EPAS1: variants seen among roughly 807,000 people sequenced by gnomAD.
EPAS1 encodes endothelial PAS domain protein 1.
A neutral mutation model predicts 87.9 loss-of-function variants in EPAS1; 23 were observed. The observed-to-expected ratio is 0.26, with a 90% CI of 0.19 to 0.37. The LOEUF is 0.37. EPAS1 is among the 10% of genes least tolerant of loss of function. EPAS1 has a pLI of 1.00. For synonymous variants in EPAS1, 508 were observed against 444.3 expected (o/e 1.14, Z -1.80); for missense variants, 1,138 against 1,120.7 (o/e 1.02, Z -0.22).
intron 1 of EPAS1, among the ~76,000 whole-genome samples, chr2:46,337,763 T>A (rs193173227): frequency 6.6e-6 from 1 of 152,270 alleles, no homozygotes. Context: ...GGGAAATACC[T>A]TCAAGCCCAG....
At chr2:46,374,678 G>C (rs564719574) in intron 7 of EPAS1, among the ~76,000 whole-genome samples, 2 of 152,254 alleles carry the variant, frequency 1.3e-5, no homozygotes, top group East Asian at 3.9e-4. Flanking sequence ...GGGAGCTTCT[G>C]AGCTGGAGTT....
chr2:46,302,118 C>CTGTG (rs35880089), intron 1 of EPAS1, among the ~76,000 whole-genome samples: 117 of 127,634 alleles, frequency 9.2e-4, no homozygotes, highest in Non-Finnish European at 1.1e-3. Context: ...CTCTTTCTCT[C>CTGTG]TGTGTGTGTG....
chr2:46,337,490 C>T (rs1558592764), intron 1 of EPAS1, among the ~76,000 whole-genome samples: 1 of 152,178 alleles, frequency 6.6e-6, no homozygotes. Context: ...CCCACTTGCC[C>T]CACGGAGTTT....
intron 11 of EPAS1, 23 bp downstream of exon 11, chr2:46,378,790 C>T (rs1318872557): frequency 6.3e-7 from 1 of 1,588,254 alleles, no homozygotes; most frequent in African/African-American, 1.3e-5. Flanking sequence ...GGAGATCAGG[C>T]TAGGGTGTGT....
At chr2:46,299,448 T>G (rs1229430590) in intron 1 of EPAS1, among the ~76,000 whole-genome samples, 1 of 152,230 alleles carries the variant, frequency 6.6e-6, no homozygotes, top group Non-Finnish European at 1.5e-5. Flanking sequence ...TGGGGTTCCA[T>G]GTCTTTTGAA....
intron 13 of EPAS1, 113 bp downstream of exon 13, chr2:46,381,835 C>T: frequency 1.3e-6 from 2 of 1,565,470 alleles, no homozygotes; most frequent in African/African-American, 1.4e-5. Context: ...TTAGGGAACC[C>T]AGGGCTGCTG....
chr2:46,309,828 A>G (rs1683177010), intron 1 of EPAS1, among the ~76,000 whole-genome samples: 1 of 152,064 alleles, frequency 6.6e-6, no homozygotes, highest in Non-Finnish European at 1.5e-5. Flanking sequence ...GTTGTGATGG[A>G]ATCTTTGGGT....
intron 1 of EPAS1, among the ~76,000 whole-genome samples, chr2:46,298,762 C>G (rs1179647580): frequency 1.3e-5 from 2 of 152,230 alleles, no homozygotes; most frequent in Non-Finnish European, 2.9e-5. Flanking sequence ...TTGCTGCCCT[C>G]TCGCCCTCTC....
At position 46,369,855 on chromosome 2, in the gene EPAS1, G is replaced by A; in HGVS notation, c.808G>A (p.Glu270Lys). 6.2e-7 allele frequency: 1 copy of A among 1,613,266 alleles called. No homozygotes were observed. The highest frequency in any genetic ancestry group is 8.5e-7 in the Non-Finnish European group (1 of 1,179,694). ...RITELIGYHP[E>K]ELLGRSAYEF... ...CACAGAACTGATTGGTTACCACCCT[G>A]AGGAGCTGCTTGGCCGCTCAGCCTA... The change falls in exon 7 of 16, where the codon GAG becomes AAG. Residue 270 changes from glutamate to lysine, a missense_variant. Glu to Lys is a moderately conservative substitution (Grantham distance 56). Coordinates refer to ENST00000263734, the MANE Select transcript of EPAS1 (RefSeq NM_001430.5).
chr2:46,383,157 G>A (rs1182151278), intron 15 of EPAS1, among the ~76,000 whole-genome samples: 2 of 152,204 alleles, frequency 1.3e-5, no homozygotes, highest in East Asian at 3.9e-4. Context: ...GCCATCCAGG[G>A]CTCTTTCCAC....
At position 46,378,639 on chromosome 2, in the gene EPAS1, C is replaced by A; in HGVS notation, c.1444-18C>A. The stretch of plus-strand genomic sequence containing the variant: ...GTGCCATATCTTTGACTCTGTCCCC[C>A]TCCTTCCTGGCCCCTAGCCCAATAG... On this transcript the variant is annotated intron_variant, in intron 10 of 15. Coordinates refer to ENST00000263734, the MANE Select transcript of EPAS1 (RefSeq NM_001430.5). 1 of 1,608,530 alleles carries A rather than the reference C, an allele frequency of 6.2e-7. No homozygotes were observed. Among genetic ancestry groups the A allele is most frequent in the South Asian group, 1.1e-5 (1 of 90,936 alleles).
intron 1 of EPAS1, among the ~76,000 whole-genome samples, chr2:46,340,088 A>T (rs4035887): frequency 6.6e-6 from 1 of 151,966 alleles, no homozygotes; most frequent in Non-Finnish European, 1.5e-5. Context: ...TCCTGTGTAC[A>T]CACAGCTTTT....
At position 46,375,186 on chromosome 2, in the gene EPAS1, A is replaced by AG. The variant is rs1337359987; in HGVS notation, c.887-504_887-503insG. Among the ~76,000 whole-genome samples the AG allele has an allele frequency of 7.2e-6, 1 of 138,874 alleles. No homozygotes were observed. The allele number at this position is 138,874 out of a possible 152,430, so 91.1% of individuals were successfully genotyped here. Reference sequence around the variant, plus strand: ...TTGGTGGTGGGTCTGCTGAAAAAAAAAAACAAAAAAAAACAAAAAAAACTG... The same window carrying AG: ...TTGGTGGTGGGTCTGCTGAAAAAAAAGAAACAAAAAAAAACAAAAAAAACTG... On this transcript the variant is annotated intron_variant, in intron 7 of 15. Transcript: ENST00000263734. This position sits in a 1 kb window ranked among gnomAD's most constrained non-coding sequence, Gnocchi z 4.1.
At chr2:46,356,078 TG>T (rs1684263346) in intron 2 of EPAS1, 72 bp from the exon 3 acceptor site, 3 of 1,500,162 alleles carry the variant, frequency 2.0e-6, no homozygotes, top group African/African-American at 2.7e-5. Context: ...CCCTGGCAAA[TG>T]CCTATCTGTG....
At chr2:46,351,561 G>A (rs942528172) in intron 2 of EPAS1, among the ~76,000 whole-genome samples, 2 of 152,258 alleles carry the variant, frequency 1.3e-5, no homozygotes. Context: ...CTGCACATCC[G>A]GGAGGGCGGG....
chr2:46,324,365 C>A (rs1389918861), intron 1 of EPAS1, among the ~76,000 whole-genome samples: 4 of 152,206 alleles, frequency 2.6e-5, no homozygotes, highest in Non-Finnish European at 5.9e-5. Context: ...CTGCGCCCAG[C>A]CCTAATTATG....
chr2:46,329,524 C>T (rs971878568), intron 1 of EPAS1, among the ~76,000 whole-genome samples: 1 of 152,124 alleles, frequency 6.6e-6, no homozygotes, highest in African/African-American at 2.4e-5. Flanking sequence ...TATAGGCTTT[C>T]TATTAAAACA....
chr2:46,336,888 G>A (rs1287599822), intron 1 of EPAS1, among the ~76,000 whole-genome samples: 1 of 152,234 alleles, frequency 6.6e-6, no homozygotes, highest in Non-Finnish European at 1.5e-5. Context: ...TGCTCTGGGT[G>A]ACTCCACAGG....
chr2:46,376,840 CT>C (rs957568543), intron 9 of EPAS1, 87 bp downstream of exon 9: 2 of 1,415,842 alleles, frequency 1.4e-6, no homozygotes, highest in African/African-American at 1.4e-5. Context: ...CTGGCTGCAG[CT>C]TTTTCTTAAC....
Sources: gnomAD v4.1 joint callset for allele counts (sites outside exome capture counted in the v4.1 genomes callset) on GRCh38, gnomAD v4.1.1 for gene constraint, Gnocchi (gnomAD v3.1) non-coding constraint, MANE v1.5 for transcripts, NCBI Gene and HGNC (gene_info 2026-07-23, HGNC 2026-07-21) for gene names.